ZFAND6: variants seen among roughly 807,000 people sequenced by gnomAD.
ZFAND6 encodes zinc finger AN1-type containing 6.
In ZFAND6, 12 loss-of-function variants were observed where a neutral mutation model predicts 24.5. The ratio of observed to expected loss-of-function variants is 0.49; its 90% CI spans 0.31 to 0.79. ZFAND6 has a LOEUF of 0.79. ZFAND6 is among the 30% of genes least tolerant of loss of function. ZFAND6 has a pLI of 0.04. For missense variants in ZFAND6, 207 were observed against 245.9 expected, an observed-to-expected ratio of 0.84 and a Z score of 1.06; for synonymous variants, 92 against 81.5, an observed-to-expected ratio of 1.13 and a Z score of -0.69.
chr15:80,098,344 A>G (rs982164776), intron 1 of ZFAND6, 72 bp from the exon 2 acceptor site: 3 of 152,328 alleles, frequency 2.0e-5, no homozygotes, highest in African/African-American at 7.2e-5. Flanking sequence ...ACTCCTTAAA[A>G]TTTTAGGTGG....
chr15:80,091,518 A>G (rs2038371384), intron 1 of ZFAND6, among the ~76,000 whole-genome samples: 1 of 152,236 alleles, frequency 6.6e-6, no homozygotes, highest in Non-Finnish European at 1.5e-5. Context: ...TATGAAAACT[A>G]AAAAGTGAAC....
rs1288968901 is a variant in ZFAND6 at position 80,065,001 on chromosome 15, CCTTTTTTTTT to C, written c.-181+5193_-181+5202del. Among the ~76,000 whole-genome samples the C allele has an allele frequency of 3.0e-5, 4 of 133,554 alleles. No homozygotes were observed. In the Admixed American group the frequency reaches 3.2e-4, roughly 11 times the overall value. 87.6% of individuals were successfully genotyped at this position (133,554 alleles called of 152,430 possible). On this transcript the variant is annotated intron_variant, in intron 1 of 6. Coordinates refer to ENST00000261749, the MANE Select transcript of ZFAND6 (RefSeq NM_019006.4). ...TTTTCTCTTGCTCTCTCTCTCTCCC[CCTTTTTTTTT>C]TTTTTTTTTTTAACAAAACAAAAAA...
At chr15:80,071,745 TAAA>T (rs990222363) in intron 1 of ZFAND6, among the ~76,000 whole-genome samples, 3 of 139,178 alleles carry the variant, frequency 2.2e-5, no homozygotes, top group Non-Finnish European at 1.6e-5. Flanking sequence ...TTCCACACAT[TAAA>T]AAAAAAAAAA....
chr15:80,083,595 G>A (rs937405005), intron 1 of ZFAND6, among the ~76,000 whole-genome samples: 3 of 152,194 alleles, frequency 2.0e-5, no homozygotes, highest in Non-Finnish European at 4.4e-5. Flanking sequence ...AGAGAAAAGC[G>A]TGTTCATGGA....
At chr15:80,077,541 C>A (rs2037352734) in intron 1 of ZFAND6, among the ~76,000 whole-genome samples, 2 of 151,932 alleles carry the variant, frequency 1.3e-5, no homozygotes, top group African/African-American at 4.8e-5. Context: ...GGAAAAAGGT[C>A]AAATTGATGA....
chr15:80,091,215 CACCCTATTA>C (rs2038345933), intron 1 of ZFAND6, among the ~76,000 whole-genome samples: 1 of 151,564 alleles, frequency 6.6e-6, no homozygotes, highest in African/African-American at 2.4e-5. Context: ...TGTAGTTTCT[CACCCTATTA>C]GGTGATTTTA....
At chr15:80,063,112 A>T (rs2036423157) in intron 1 of ZFAND6, among the ~76,000 whole-genome samples, 2 of 152,296 alleles carry the variant, frequency 1.3e-5, no homozygotes, top group African/African-American at 2.4e-5. Flanking sequence ...GAAACCTCTT[A>T]CTGTGGCTTA....
At chr15:80,097,508 C>A (rs370713570) in intron 1 of ZFAND6, among the ~76,000 whole-genome samples, 1 of 151,830 alleles carries the variant, frequency 6.6e-6, no homozygotes, top group Non-Finnish European at 1.5e-5. Context: ...ATTAGCCAGG[C>A]GTGATGGTTG....
chr15:80,121,602 A>G, intron 3 of ZFAND6, 110 bp from the exon 4 acceptor site: 2 of 755,488 alleles, frequency 2.6e-6, no homozygotes, highest in Non-Finnish European at 3.9e-6. Flanking sequence ...ACATATTAAA[A>G]GAAAACCTCT....
intron 4 of ZFAND6, among the ~76,000 whole-genome samples, chr15:80,122,089 CATGTTAAGTGAA>C (rs1405917405): frequency 6.6e-6 from 1 of 151,902 alleles, no homozygotes; most frequent in Non-Finnish European, 1.5e-5. Context: ...CCTTTGGAAG[CATGTTAAGTGAA>C]ATGTTAGTCT....
chr15:80,073,957 T>C (rs1455800165), intron 1 of ZFAND6, among the ~76,000 whole-genome samples: 1 of 151,948 alleles, frequency 6.6e-6, no homozygotes, highest in Non-Finnish European at 1.5e-5. Context: ...AAAAGATTTC[T>C]TTTGGAAAAA....
At chr15:80,081,720 T>G (rs2037681415) in intron 1 of ZFAND6, among the ~76,000 whole-genome samples, 1 of 152,184 alleles carries the variant, frequency 6.6e-6, no homozygotes, top group Non-Finnish European at 1.5e-5. Context: ...ACAGTCTGCT[T>G]ACATATCAAG....
At chr15:80,136,534 A>T (rs1219879648) in intron 6 of ZFAND6, among the ~76,000 whole-genome samples, 4 of 152,008 alleles carry the variant, frequency 2.6e-5, no homozygotes, top group Non-Finnish European at 5.9e-5. Flanking sequence ...TAGAAGGGTG[A>T]GATTTAATAA....
chr15:80,122,337 C>G (rs1315561713), intron 4 of ZFAND6, among the ~76,000 whole-genome samples: 2 of 151,986 alleles, frequency 1.3e-5, no homozygotes, highest in African/African-American at 4.8e-5. Context: ...ACTGGGGTTC[C>G]TTTTTTCCAG....
At chr15:80,112,459 G>C (rs181269046) in intron 2 of ZFAND6, among the ~76,000 whole-genome samples, 1 of 151,868 alleles carries the variant, frequency 6.6e-6, no homozygotes, top group Non-Finnish European at 1.5e-5. Flanking sequence ...TTGCAGTGGC[G>C]TGATCTTGGC....
chr15:80,069,787 C>G (rs2036870640), intron 1 of ZFAND6, among the ~76,000 whole-genome samples: 2 of 151,916 alleles, frequency 1.3e-5, no homozygotes, highest in Non-Finnish European at 2.9e-5. Flanking sequence ...TTTTGTAGTT[C>G]TAGTAGAGAC....
At chr15:80,086,835 A>G (rs2038036071) in intron 1 of ZFAND6, among the ~76,000 whole-genome samples, 1 of 152,226 alleles carries the variant, frequency 6.6e-6, no homozygotes, top group South Asian at 2.1e-4. Context: ...CGTCTCCCCC[A>G]GTCAGTGGTA....
At position 80,103,570 on chromosome 15, in the gene ZFAND6, T is replaced by A. The variant is rs536046351; in HGVS notation, c.-18+4992T>A. Among the ~76,000 whole-genome samples, 140 of 152,376 alleles carry A rather than the reference T, an allele frequency of 9.2e-4. 1 individual carries two copies. Among genetic ancestry groups the A allele is most frequent in the Admixed American group, 1.9e-3 (29 of 15,310 alleles). ...GCTTACTGTTGAGCATTGTTGAGTT[T>A]GCTCTTAATCAAGAACTTAAAGTGT... On this transcript the variant is annotated intron_variant, in intron 2 of 6. Coordinates refer to ENST00000261749, the MANE Select transcript of ZFAND6 (RefSeq NM_019006.4).
intron 2 of ZFAND6, among the ~76,000 whole-genome samples, chr15:80,102,511 C>T (rs1469189018): frequency 1.3e-5 from 2 of 152,146 alleles, no homozygotes; most frequent in African/African-American, 4.8e-5. Context: ...TAAAGTGAGC[C>T]ATCTGTTTAT....
Sources: gnomAD v4.1 joint callset for allele counts (sites outside exome capture counted in the v4.1 genomes callset) on GRCh38, gnomAD v4.1.1 for gene constraint, MANE v1.5 for transcripts, NCBI Gene and HGNC (gene_info 2026-07-23, HGNC 2026-07-21) for gene names.